Variants in PTGER4 observed in about 807,000 individuals in gnomAD.
PTGER4 encodes the protein prostaglandin E2 receptor EP4 subtype.
A neutral mutation model predicts 33.2 loss-of-function variants in PTGER4; 11 were observed. The ratio of observed to expected loss-of-function variants is 0.33; its 90% CI spans 0.21 to 0.55. The LOEUF (loss-of-function observed/expected upper bound fraction) is 0.55, where lower values mean the gene tolerates loss of function less well. Ranked by LOEUF, PTGER4 falls within the 20% of genes least tolerant of loss-of-function variation. The pLI is 0.92. For synonymous variants in PTGER4, 275 were observed against 281.5 expected (o/e 0.98, Z 0.23); for missense variants, 481 against 650.2 (o/e 0.74, Z 2.83).
chr5:40,716,115 ACAGATT>A, the PTGER4 span: 6 of 1,519,190 alleles, frequency 3.9e-6, no homozygotes, highest in Non-Finnish European at 4.4e-6. Context: ...AATCAAAAAG[ACAGATT>A]CAAATAATCC....
the PTGER4 span, among the ~76,000 whole-genome samples, chr5:40,726,520 A>G: frequency 1.7e-4 from 26 of 151,116 alleles, no homozygotes; most frequent in African/African-American, 6.3e-4. Flanking sequence ...ATAAAAACAG[A>G]GAAGATTCCT....
the PTGER4 span, among the ~76,000 whole-genome samples, chr5:40,704,255 T>C: frequency 2.6e-5 from 4 of 152,140 alleles, no homozygotes; most frequent in Non-Finnish European, 2.9e-5. Context: ...TCTCAATAAA[T>C]GTAGAAAGAC....
At chr5:40,706,687 G>C in the PTGER4 span, among the ~76,000 whole-genome samples, 3 of 146,732 alleles carry the variant, frequency 2.0e-5, no homozygotes, top group Admixed American at 2.0e-4. Context: ...CAACCAAAAA[G>C]GAAAAAAAAA....
the PTGER4 span, among the ~76,000 whole-genome samples, chr5:40,724,608 G>A: frequency 2.6e-5 from 4 of 152,028 alleles, no homozygotes; most frequent in African/African-American, 9.6e-5. Context: ...ACTCCAGCCT[G>A]GGGAACAGAG....
At chr5:40,707,054 G>A in the PTGER4 span, among the ~76,000 whole-genome samples, 5 of 152,034 alleles carry the variant, frequency 3.3e-5, no homozygotes, top group Non-Finnish European at 4.4e-5. Flanking sequence ...AGGAACAACC[G>A]GTACCAGCCA....
the PTGER4 span, among the ~76,000 whole-genome samples, chr5:40,743,267 A>G: frequency 3.3e-5 from 5 of 152,250 alleles, no homozygotes; most frequent in Admixed American, 3.3e-4. Flanking sequence ...GCAGCAGAAA[A>G]CCAGAGAAAA....
At chr5:40,730,840 G>A in the PTGER4 span, among the ~76,000 whole-genome samples, 2 of 151,910 alleles carry the variant, frequency 1.3e-5, no homozygotes, top group African/African-American at 4.8e-5. Flanking sequence ...ACAGATAAGG[G>A]AGAAAAAAGT....
At chr5:40,737,388 A>T in the PTGER4 span, among the ~76,000 whole-genome samples, 1 of 152,208 alleles carries the variant, frequency 6.6e-6, no homozygotes. Context: ...GTGATAAAAT[A>T]ACCAAGACCC....
the PTGER4 span, among the ~76,000 whole-genome samples, chr5:40,738,815 T>C: frequency 2.0e-5 from 3 of 152,162 alleles, no homozygotes; most frequent in Admixed American, 6.5e-5. Flanking sequence ...TGAGCAGCTT[T>C]TTTTATGCTT....
the PTGER4 span, among the ~76,000 whole-genome samples, chr5:40,734,290 C>G: frequency 8.3e-3 from 1,106 of 132,854 alleles, 8 homozygotes; most frequent in African/African-American, 0.029. Flanking sequence ...ATTTCTGCAG[C>G]ATATCTCTTA....
chr5:40,685,693 T>C (rs10036575), intron 2 of PTGER4, among the ~76,000 whole-genome samples: 41,352 of 152,094 alleles, frequency 0.27, 6,024 homozygotes, highest in East Asian at 0.56. Context: ...AAGGAGAAAG[T>C]AGGGCTGACC....
the PTGER4 span, among the ~76,000 whole-genome samples, chr5:40,701,175 G>C: frequency 6.6e-6 from 1 of 152,188 alleles, no homozygotes; most frequent in Non-Finnish European, 1.5e-5. Context: ...TTCTTAACCA[G>C]GCTTAACTGG....
the PTGER4 span, among the ~76,000 whole-genome samples, chr5:40,726,497 A>C: frequency 4.0e-5 from 6 of 151,590 alleles, no homozygotes; most frequent in African/African-American, 1.5e-4. Context: ...TTAAGAGAAC[A>C]GCTTAAATCT....
the PTGER4 span, among the ~76,000 whole-genome samples, chr5:40,725,784 C>CTT: frequency 1.8e-3 from 224 of 126,034 alleles, 5 homozygotes; most frequent in African/African-American, 5.3e-3. Context: ...TTCTCTTCAG[C>CTT]TTTTTTTTTT....
At chr5:40,728,583 T>C in the PTGER4 span, 2 of 1,117,924 alleles carry the variant, frequency 1.8e-6, no homozygotes, top group African/African-American at 1.6e-5. Context: ...CCAGTAAAAA[T>C]AGCATTTCGG....
At chr5:40,707,046 G>A in the PTGER4 span, among the ~76,000 whole-genome samples, 1 of 152,066 alleles carries the variant, frequency 6.6e-6, no homozygotes, top group African/African-American at 2.4e-5. Flanking sequence ...ACACGGAAAG[G>A]AACAACCGGT....
At position 40,692,629 on chromosome 5, in the gene PTGER4, C is replaced by T. The variant is rs201939005; in HGVS notation, c.*251C>T. ...GGTCACAACTTGATGGCTGCGAAGA[C>T]CTACCCTCCGTTTTTCTACTAGATA... On this transcript the variant is annotated 3_prime_UTR_variant, in exon 3 of 3. Coordinates refer to ENST00000302472, the MANE Select transcript of PTGER4 (RefSeq NM_000958.3). 19 of 1,216,304 alleles carry T rather than the reference C, an allele frequency of 1.6e-5. No individual in the cohort carries two copies. The East Asian group carries it at 5.8e-4, about 37-fold the overall frequency. The allele number at this position is 1,216,304 out of a possible 1,614,324, so 75.3% of individuals were successfully genotyped here.
At chr5:40,700,037 G>T in the PTGER4 span, among the ~76,000 whole-genome samples, 104,643 of 152,058 alleles carry the variant, frequency 0.69, 36,049 homozygotes, top group East Asian at 0.8. Context: ...AGACATGTTA[G>T]GTATGTAGAA....
the PTGER4 span, among the ~76,000 whole-genome samples, chr5:40,720,731 A>G: frequency 6.6e-6 from 1 of 152,166 alleles, no homozygotes; most frequent in South Asian, 2.1e-4. Flanking sequence ...TGCACCCTGG[A>G]TGAATAAGAA....
Sources: allele counts gnomAD v4.1 joint callset (sites outside exome capture counted in the v4.1 genomes callset), GRCh38; gene constraint gnomAD v4.1.1; transcripts MANE v1.5; gene names NCBI Gene and HGNC (gene_info 2026-07-23, HGNC 2026-07-21).